The following PRMT7 variants were observed in gnomAD, a reference collection of about 807,000 sequenced individuals.
PRMT7 encodes protein arginine methyltransferase 7, also known as protein arginine N-methyltransferase 7.
PRMT7 carries 75 observed loss-of-function variants against 85.4 expected under a neutral mutation model. The ratio of observed to expected loss-of-function variants is 0.88; its 90% CI spans 0.73 to 1.06. PRMT7 has a LOEUF of 1.06. Among genes scored for constraint, PRMT7 ranks in the 50% least tolerant of loss-of-function variants. The pLI is 0.00. For missense variants in PRMT7, 868 were observed against 915.2 expected, an observed-to-expected ratio of 0.95 and a Z score of 0.67; for synonymous variants, 397 against 359.5, an observed-to-expected ratio of 1.10 and a Z score of -1.18.
At chr16:68,348,516 C>T in intron 14 of PRMT7, 85 bp downstream of exon 14, 1 of 1,099,054 alleles carries the variant, frequency 9.1e-7, no homozygotes, top group Non-Finnish European at 1.3e-6. Flanking sequence ...CCACCCTGTC[C>T]CTGGAGTCTC....
chr16:68,357,633 C>G lies in PRMT7; in HGVS notation c.*409C>G, dbSNP rs1017155375. The G allele has an allele frequency of 1.2e-5, 2 of 171,788 alleles. No homozygotes were observed. The highest frequency in any genetic ancestry group is 2.4e-5 in the African/African-American group (1 of 42,098). The allele number at this position is 171,788 out of a possible 1,614,324, so 10.6% of individuals were successfully genotyped here. A position where few individuals can be genotyped will look rare whatever the true frequency, so the allele number is the denominator to read the frequency against. ...GAGCCTGTCCTGTCTGTCTCACTCT[C>G]GAGGATCTCCGGGTCCCTGCTCTTC... On this transcript the variant is annotated 3_prime_UTR_variant, in exon 19 of 19. Coordinates refer to ENST00000441236, the MANE Select transcript of PRMT7 (RefSeq NM_019023.5).
At chr16:68,348,528 C>A in intron 14 of PRMT7, 97 bp downstream of exon 14, 1 of 938,744 alleles carries the variant, frequency 1.1e-6, no homozygotes, top group Non-Finnish European at 1.6e-6. Flanking sequence ...TGGAGTCTCA[C>A]AGTGGGTCCT....
At chr16:68,348,631 C>CTTTTTT (rs56041186) in intron 14 of PRMT7, among the ~76,000 whole-genome samples, 200 bp downstream of exon 14, 4 of 67,644 alleles carry the variant, frequency 5.9e-5, no homozygotes, top group Non-Finnish European at 7.9e-5. Flanking sequence ...TTGCACTGCT[C>CTTTTTT]TTTTTTTTTT....
At chr16:68,311,248 C>G in intron 1 of PRMT7, 149 bp downstream of exon 1, 1 of 462,354 alleles carries the variant, frequency 2.2e-6, no homozygotes, top group Admixed American at 3.6e-5. Flanking sequence ...GACACCCGGG[C>G]CTGCAGGAGA....
chr16:68,320,380 T>A (rs1245168738), intron 3 of PRMT7, among the ~76,000 whole-genome samples: 1 of 152,182 alleles, frequency 6.6e-6, no homozygotes, highest in Non-Finnish European at 1.5e-5. Flanking sequence ...AACAGAACTT[T>A]ACCTACATAT....
chr16:68,322,707 C>T (rs1264499341), intron 4 of PRMT7, among the ~76,000 whole-genome samples: 8 of 138,876 alleles, frequency 5.8e-5, no homozygotes, highest in Middle Eastern at 3.4e-3. Flanking sequence ...CAATTGAGGA[C>T]GCTGTTCATC....
intron 4 of PRMT7, chr16:68,322,503 G>A (rs1403420737): frequency 5.0e-6 from 2 of 402,050 alleles, no homozygotes; most frequent in African/African-American, 2.1e-5. Context: ...CGGCCATCGT[G>A]TGCTTGTTTA....
At chr16:68,355,608 A>G (rs1452872257) in intron 16 of PRMT7, 115 bp from the exon 17 acceptor site, 2 of 1,134,412 alleles carry the variant, frequency 1.8e-6, no homozygotes, top group East Asian at 6.2e-5. Flanking sequence ...CGGCATCTTT[A>G]TGGGAGAACG....
At chr16:68,324,391 CT>C in intron 4 of PRMT7, 1 of 415,092 alleles carries the variant, frequency 2.4e-6, no homozygotes, top group South Asian at 2.4e-5. Flanking sequence ...CTTGGTCCCC[CT>C]TTTGGCTGTA....
chr16:68,342,814 T>C (rs1262502340), intron 9 of PRMT7, among the ~76,000 whole-genome samples: 1 of 152,184 alleles, frequency 6.6e-6, no homozygotes, highest in Non-Finnish European at 1.5e-5. Context: ...CTCTGCAGGC[T>C]GTGTGTGTGT....
rs942487588 is a variant in PRMT7 at position 68,358,278 on chromosome 16, C to T, written c.*1054C>T. 3 of 152,702 alleles carry T rather than the reference C, an allele frequency of 2.0e-5. No homozygotes were observed. The highest frequency in any genetic ancestry group is 7.2e-5 in the African/African-American group (3 of 41,482). The allele number at this position is 152,702 out of a possible 1,614,324, so 9.5% of individuals were successfully genotyped here. ...CCCTCCCCTGCCCCCAGGCGTGCCCCTGAGGCCTGGCCCCAGCTTGTCGCT... is the reference window on the plus strand; with the variant it reads ...CCCTCCCCTGCCCCCAGGCGTGCCCTTGAGGCCTGGCCCCAGCTTGTCGCT... On this transcript the variant is annotated 3_prime_UTR_variant, in exon 19 of 19. Transcript: ENST00000441236.
At chr16:68,336,010 C>T (rs1440629061) in intron 6 of PRMT7, among the ~76,000 whole-genome samples, 1 of 152,174 alleles carries the variant, frequency 6.6e-6, no homozygotes, top group African/African-American at 2.4e-5. Context: ...CTTCTGACCT[C>T]AGGTGATCTG....
chr16:68,359,100 A>AG (rs1377406546), downstream of PRMT7: 1 of 152,230 alleles, frequency 6.6e-6, no homozygotes, highest in East Asian at 1.9e-4. Context: ...CTGCCCCGGG[A>AG]GGGGGTGCCT....
At chr16:68,314,906 G>A (rs945699192) in intron 2 of PRMT7, among the ~76,000 whole-genome samples, 2 of 151,784 alleles carry the variant, frequency 1.3e-5, no homozygotes, top group African/African-American at 2.4e-5. Flanking sequence ...GATGATGGAG[G>A]GTTTTTAAAA....
chr16:68,344,951 C>CACACACACACACACACACACAT (rs2086123190), intron 9 of PRMT7, among the ~76,000 whole-genome samples: 1 of 123,728 alleles, frequency 8.1e-6, no homozygotes, highest in African/African-American at 3.2e-5. Context: ...CACACACACA[C>CACACACACACACACACACACAT]ACACACGGGC....
chr16:68,344,949 C>CACAT (rs1410789885), intron 9 of PRMT7, among the ~76,000 whole-genome samples: 1 of 136,560 alleles, frequency 7.3e-6, no homozygotes, highest in Non-Finnish European at 1.6e-5. Flanking sequence ...CACACACACA[C>CACAT]ACACACACGG....
At chr16:68,320,124 G>C (rs1336758448) in intron 3 of PRMT7, among the ~76,000 whole-genome samples, 2 of 152,180 alleles carry the variant, frequency 1.3e-5, no homozygotes, top group Non-Finnish European at 2.9e-5. Flanking sequence ...AGAGATGTAG[G>C]CCAGGTTAGG....
intron 6 of PRMT7, among the ~76,000 whole-genome samples, chr16:68,333,698 T>A (rs1290618455): frequency 6.6e-6 from 1 of 152,080 alleles, no homozygotes; most frequent in Non-Finnish European, 1.5e-5. Context: ...GGCCATGAAG[T>A]ATGCTGACTC....
chr16:68,322,280 G>T, intron 4 of PRMT7: 2 of 331,290 alleles, frequency 6.0e-6, no homozygotes, highest in Non-Finnish European at 1.2e-5. Flanking sequence ...CTGCACTGCA[G>T]CCTAGACTTC....
Sources: allele counts gnomAD v4.1 joint callset (sites outside exome capture counted in the v4.1 genomes callset), GRCh38; gene constraint gnomAD v4.1.1; transcripts MANE v1.5; gene names NCBI Gene and HGNC (gene_info 2026-07-23, HGNC 2026-07-21).